CFHR5: variants seen among roughly 807,000 people sequenced by gnomAD.
CFHR5 encodes complement factor H-related protein 5.
A neutral mutation model predicts 62.9 loss-of-function variants in CFHR5; 73 were observed. The ratio of observed to expected loss-of-function variants is 1.16; its 90% confidence interval spans 0.96 to 1.41. CFHR5 has a LOEUF of 1.41. CFHR5 is among the 40% of genes most tolerant of loss of function. The pLI is 0.00. For missense variants in CFHR5, 779 were observed against 679.9 expected, an observed-to-expected ratio of 1.15 and a Z score of -1.62; for synonymous variants, 249 against 227.2, an observed-to-expected ratio of 1.10 and a Z score of -0.86.
chr1:197,005,656 T>A (rs934016621), intron 9 of CFHR5, among the ~76,000 whole-genome samples: 3 of 152,126 alleles, frequency 2.0e-5, no homozygotes, highest in African/African-American at 7.2e-5. Flanking sequence ...AACTGGAATT[T>A]CCATAAACCC....
chr1:196,989,947 T>C (rs1653798325), intron 3 of CFHR5, among the ~76,000 whole-genome samples: 1 of 152,192 alleles, frequency 6.6e-6, no homozygotes, highest in South Asian at 2.1e-4. Context: ...GTCTCATTAA[T>C]CTGTCTAATA....
intron 3 of CFHR5, among the ~76,000 whole-genome samples, chr1:196,993,572 C>T (rs905974153): frequency 2.6e-5 from 4 of 152,138 alleles, no homozygotes; most frequent in African/African-American, 4.8e-5. Flanking sequence ...GCTGGGATTA[C>T]AGACATGACC....
intron 3 of CFHR5, among the ~76,000 whole-genome samples, chr1:196,990,691 T>C (rs1415021643): frequency 1.3e-5 from 2 of 152,170 alleles, no homozygotes; most frequent in Non-Finnish European, 2.9e-5. Context: ...GAATGTCGAA[T>C]ATTGGCCCCC....
intron 3 of CFHR5, among the ~76,000 whole-genome samples, chr1:196,992,060 C>T (rs1462538060): frequency 6.6e-6 from 1 of 152,202 alleles, no homozygotes; most frequent in Non-Finnish European, 1.5e-5. Flanking sequence ...CAAGCTTTTC[C>T]AGCTGCTTTG....
intron 9 of CFHR5, among the ~76,000 whole-genome samples, chr1:197,007,999 A>C (rs1181065736): frequency 3.4e-5 from 5 of 147,854 alleles, no homozygotes; most frequent in Non-Finnish European, 7.4e-5. Flanking sequence ...TATATAAGAT[A>C]TATATAAATA....
rs772849641 is a variant in CFHR5 at position 196,994,206 on chromosome 1, C to A, written c.557C>A (p.Ser186Ter). ...RKNLIRVGSD[S>*]VQCYQFGWSP... The stretch of plus-strand genomic sequence containing the variant: ...AATCTTATAAGAGTTGGATCAGACT[C>A]AGTTCAATGTTACCAATTTGGGTGG... The change falls in exon 4 of 10, where the codon TCA becomes TAA. Residue 186 changes from serine to a stop codon, truncating the protein, a stop_gained. Transcript: ENST00000256785. LOFTEE classifies it high-confidence loss of function. 1.2e-5 allele frequency: 20 copies of A among 1,613,482 alleles called. No homozygotes were observed. The highest frequency in any genetic ancestry group is 1.6e-5 in the Non-Finnish European group (19 of 1,179,712).
chr1:196,977,929 G>A (rs1653439833), intron 1 of CFHR5, among the ~76,000 whole-genome samples: 7 of 152,070 alleles, frequency 4.6e-5, no homozygotes, highest in Admixed American at 4.6e-4. Context: ...CCGTTCTCTA[G>A]TTTGCTAAGG....
intron 3 of CFHR5, among the ~76,000 whole-genome samples, chr1:196,992,151 A>G (rs1653863477): frequency 6.6e-6 from 1 of 152,118 alleles, no homozygotes; most frequent in Non-Finnish European, 1.5e-5. Flanking sequence ...TCAGACTGCC[A>G]CACTAGCAGT....
intron 3 of CFHR5, among the ~76,000 whole-genome samples, chr1:196,989,112 C>G (rs991955225): frequency 2.6e-5 from 4 of 152,068 alleles, no homozygotes; most frequent in East Asian, 1.9e-4. Context: ...ATGTATGTGT[C>G]GAGGAATTTA....
chr1:196,995,865 G>C lies in CFHR5; in HGVS notation c.756G>C (p.Val252=). The C allele has an allele frequency of 6.2e-7, 1 of 1,613,204 alleles. No homozygotes were observed. The highest frequency in any genetic ancestry group is 1.3e-5 in the African/African-American group (1 of 74,944). Residue 252 remains valine (V), a synonymous_variant, in exon 5 of 10, where the codon GTG becomes GTC. Transcript: ENST00000256785. ...IINGPKKIQC[V]DGEWTTLPTC... ...ACGGGCCTAAGAAAATACAATGTGT[G>C]GATGGAGAATGGACAACTTTACCCA...
chr1:196,982,713 C>T (rs969344058), intron 1 of CFHR5, among the ~76,000 whole-genome samples, 172 bp from the exon 2 acceptor site: 2 of 152,036 alleles, frequency 1.3e-5, no homozygotes, highest in Non-Finnish European at 1.5e-5. Flanking sequence ...CTCTTCTATT[C>T]TTATTTAGGG....
chr1:196,988,894 T>C (rs1340623205), intron 3 of CFHR5, among the ~76,000 whole-genome samples: 1 of 152,182 alleles, frequency 6.6e-6, no homozygotes, highest in East Asian at 1.9e-4. Context: ...TAAAATGAGT[T>C]AGGGAGTATT....
chr1:197,008,410 A>T, intron 9 of CFHR5, 77 bp from the exon 10 acceptor site: 1 of 773,478 alleles, frequency 1.3e-6, no homozygotes, highest in Non-Finnish European at 1.9e-6. Flanking sequence ...AATATTCTTA[A>T]ATGCAATTTC....
At chr1:197,004,969 A>C in intron 9 of CFHR5, 126 bp downstream of exon 9, 1 of 768,738 alleles carries the variant, frequency 1.3e-6, no homozygotes, top group Admixed American at 2.5e-5. Context: ...TCAAATGTAA[A>C]TACATACAAG....
At chr1:197,000,555 T>G (rs537041753) in intron 7 of CFHR5, among the ~76,000 whole-genome samples, 1 of 152,294 alleles carries the variant, frequency 6.6e-6, no homozygotes, top group African/African-American at 2.4e-5. Context: ...AATATCTAAC[T>G]CACTTAGTTG....
chr1:197,003,220 C>T (rs371755973), intron 8 of CFHR5, among the ~76,000 whole-genome samples: 1 of 152,150 alleles, frequency 6.6e-6, no homozygotes, highest in East Asian at 1.9e-4. Flanking sequence ...CTATGAGAAT[C>T]TAGTGCCCTG....
chr1:196,990,113 C>T (rs920561146), intron 3 of CFHR5, among the ~76,000 whole-genome samples: 3 of 152,032 alleles, frequency 2.0e-5, no homozygotes, highest in African/African-American at 7.3e-5. Flanking sequence ...ATCCCTTTAC[C>T]ATTATGTAAT....
At chr1:197,003,990 C>T (rs1400770846) in intron 8 of CFHR5, among the ~76,000 whole-genome samples, 1 of 151,432 alleles carries the variant, frequency 6.6e-6, no homozygotes, top group African/African-American at 2.5e-5. Flanking sequence ...AGGACAGTAA[C>T]TCAATGAAAC....
At chr1:196,987,869 T>C (rs1212258979) in intron 3 of CFHR5, among the ~76,000 whole-genome samples, 1 of 152,186 alleles carries the variant, frequency 6.6e-6, no homozygotes, top group African/African-American at 2.4e-5. Flanking sequence ...TTTGATTCCA[T>C]ATGAACTTTA....
Sources: allele counts gnomAD v4.1 joint callset (sites outside exome capture counted in the v4.1 genomes callset), GRCh38; gene constraint gnomAD v4.1.1; transcripts MANE v1.5; gene names NCBI Gene and HGNC (gene_info 2026-07-23, HGNC 2026-07-21).